Variants in NAGPA observed in about 807,000 individuals in gnomAD.
NAGPA encodes the protein alpha-N-acetylglucosaminyl phosphodiesterase.
A neutral mutation model predicts 48.5 loss-of-function variants in NAGPA; 56 were observed. The ratio of observed to expected loss-of-function variants is 1.15; its 90% CI spans 0.93 to 1.44. The LOEUF is 1.44. Among genes scored for constraint, NAGPA ranks in the 40% most tolerant of loss-of-function variants. The pLI is 0.00. For missense variants in NAGPA, 888 were observed against 735.0 expected, an observed-to-expected ratio of 1.21 and a Z score of -2.41; for synonymous variants, 399 against 315.5, an observed-to-expected ratio of 1.26 and a Z score of -2.81.
At position 5,033,191 on chromosome 16, in the gene NAGPA, G is replaced by C. The variant is rs768886637; in HGVS notation, c.542+82C>G. 6.1e-6 allele frequency: 9 copies of C among 1,483,458 alleles called. No homozygotes were observed. Among genetic ancestry groups the C allele is most frequent in the Non-Finnish European group, 8.2e-6 (9 of 1,100,328 alleles). 91.9% of individuals were successfully genotyped at this position (1,483,458 alleles called of 1,614,324 possible). On this transcript the variant is annotated intron_variant, in intron 2 of 9. Transcript: ENST00000312251. The surrounding 1 kb of genome is among the most constrained non-coding windows in gnomAD (Gnocchi z 4.2). ...GGAAACAGGGGCTCAGCTTGGTTAA[G>C]TGACTTGAACACGGAGGCACGGCTA... is the stretch of plus-strand genomic sequence containing the variant.
At chr16:5,028,710 T>A in intron 5 of NAGPA, 170 bp downstream of exon 5, 7 of 973,364 alleles carry the variant, frequency 7.2e-6, no homozygotes, top group African/African-American at 1.6e-5. Context: ...CAACTGACCC[T>A]GCTCCTAGGC....
chr16:5,030,251 G>A (rs1003463351), intron 4 of NAGPA, 134 bp downstream of exon 4: 15 of 789,554 alleles, frequency 1.9e-5, no homozygotes, highest in Non-Finnish European at 3.0e-5. Flanking sequence ...AAGGTGAGGG[G>A]GCCCTGGGAG....
intron 7 of NAGPA, among the ~76,000 whole-genome samples, 188 bp downstream of exon 7, chr16:5,027,658 G>C (rs951123443): frequency 2.6e-5 from 4 of 152,270 alleles, no homozygotes; most frequent in South Asian, 2.1e-4. Context: ...TGTTTTAGCC[G>C]AGCCCTTTGT....
chr16:5,028,988 G>A lies in NAGPA; in HGVS notation c.812C>T (p.Ala271Val), dbSNP rs141149941. ...CACGTCCTGTTTCAGCAGGAACTCC[G>A]CCATTTCCCACAGGTTGATGCTGCG... is the stretch of plus-strand genomic sequence containing the variant. ...EQRGINLWEMAEFLLKQDVVN... is the reference protein window; with the variant it reads ...EQRGINLWEMVEFLLKQDVVN... Residue 271 changes from alanine (A) to valine (V), a missense_variant, in exon 5 of 10, where the codon GCG (alanine) becomes GTG (valine). Transcript: ENST00000312251. The A allele has an allele frequency of 2.9e-5, 47 of 1,613,478 alleles. No homozygotes were observed. The African/African-American group carries it at 3.9e-4, about 13-fold the overall frequency.
At chr16:5,030,011 C>G in intron 4 of NAGPA, 1 of 378,314 alleles carries the variant, frequency 2.6e-6, no homozygotes, top group Non-Finnish European at 5.0e-6. Flanking sequence ...AAAACACTCT[C>G]TTTACAGGGG....
intron 9 of NAGPA, 25 bp from the exon 10 acceptor site, chr16:5,025,710 G>A: frequency 6.4e-7 from 1 of 1,572,762 alleles, no homozygotes; most frequent in South Asian, 1.1e-5. Context: ...GAAGCCCCAA[G>A]TGGGGGACTG....
chr16:5,033,271 A>T lies in NAGPA; in HGVS notation c.542+2T>A. The T allele has an allele frequency of 6.3e-7, 1 of 1,590,914 alleles. No individual in the cohort carries two copies. The highest frequency in any genetic ancestry group is 1.1e-5 in the South Asian group (1 of 89,706). On this transcript the variant is annotated splice_donor_variant, in intron 2 of 9. Coordinates refer to ENST00000312251, the MANE Select transcript of NAGPA (RefSeq NM_016256.4). LOFTEE classifies it high-confidence loss of function. The surrounding 1 kb of genome is among the most constrained non-coding windows in gnomAD (Gnocchi z 4.2). ...ACAGCACGGGGCTCCCTGCCTCCTC[A>T]CCCGGTGACCAGGGTCCCGTCGCGG...
At chr16:5,029,499 A>G (rs1034503099) in intron 4 of NAGPA, 4 of 227,108 alleles carry the variant, frequency 1.8e-5, no homozygotes, top group African/African-American at 4.6e-5. Context: ...CCTAAACAAG[A>G]GGATTCTTTC....
At position 5,027,768 on chromosome 16, in the gene NAGPA, G is replaced by A. The variant is rs537013678; in HGVS notation, c.1174+78C>T. On this transcript the variant is annotated intron_variant, in intron 7 of 9. Transcript: ENST00000312251. The stretch of plus-strand genomic sequence containing the variant: ...AGCATTTCCCAGACCAGAAGGTGGA[G>A]ACAGAAGCAGCAGAGGAGCAGTGGG... The A allele has an allele frequency of 1.9e-5, 29 of 1,536,358 alleles. No homozygotes were observed. In the African/African-American group the frequency reaches 3.8e-4, roughly 20 times the overall value.
At position 5,028,900 on chromosome 16, in the gene NAGPA, G is replaced by T. The variant is rs148734092; in HGVS notation, c.900C>A (p.Ala300=). 6.2e-7 allele frequency: 1 copy of T among 1,613,930 alleles called. No individual in the cohort carries two copies. Among genetic ancestry groups the T allele is most frequent in the Non-Finnish European group, 8.5e-7 (1 of 1,180,050 alleles). The change falls in exon 5 of 10, where the codon GCC becomes GCA. Residue 300 remains alanine (A), a synonymous_variant. Coordinates refer to ENST00000312251, the MANE Select transcript of NAGPA (RefSeq NM_016256.4). ...CTTACCAGTGATCTGACGGGTAACT[G>T]GCCAAGGTCCCGTTGAGCACAAAGG... ...SATFVLNGTL[A]SYPSDHCQDN...
chr16:5,032,224 C>G (rs749779462), intron 2 of NAGPA, among the ~76,000 whole-genome samples: 15 of 152,296 alleles, frequency 9.8e-5, no homozygotes, highest in South Asian at 2.1e-4. Flanking sequence ...ATCCCTGTTA[C>G]GGCCCTTCAT....
At chr16:5,026,309 G>T (rs984324976) in intron 9 of NAGPA, among the ~76,000 whole-genome samples, 7 of 149,602 alleles carry the variant, frequency 4.7e-5, no homozygotes, top group Non-Finnish European at 8.9e-5. Context: ...ACTTTGTGAG[G>T]CTTAGGCGGG....
rs1232520339 is a variant in NAGPA at position 5,033,736 on chromosome 16, G to T, written c.87-8C>A. ...TCGTCGTCGCGGGAGGCCCTGCGGG[G>T]ACGGGCGGCCGTGAGCTCAGGGGGC... On this transcript the variant is annotated splice_polypyrimidine_tract_variant and splice_region_variant and intron_variant, in intron 1 of 9. Transcript: ENST00000312251. The surrounding 1 kb of genome is among the most constrained non-coding windows in gnomAD (Gnocchi z 4.2). 5 of 1,601,538 alleles carry T rather than the reference G, an allele frequency of 3.1e-6. No individual in the cohort carries two copies. Among genetic ancestry groups the T allele is most frequent in the Non-Finnish European group, 4.3e-6 (5 of 1,176,086 alleles).
chr16:5,031,451 CTCTTCACTTT>C, intron 3 of NAGPA: 1 of 391,102 alleles, frequency 2.6e-6, no homozygotes, highest in Non-Finnish European at 4.8e-6. Flanking sequence ...AGATTTTTTT[CTCTTCACTTT>C]TCTCTTCCTG....
chr16:5,033,843 G>C lies in NAGPA; in HGVS notation c.72C>G (p.Gly24=). The C allele has an allele frequency of 6.5e-7, 1 of 1,550,250 alleles. No homozygotes were observed. The highest frequency in any genetic ancestry group is 1.2e-5 in the South Asian group (1 of 84,152). The part of the protein sequence containing the change: ...ALFGFLWEAS[G]GLDSGASRDD... ...GCTGCACTCACCCCGAGTCGAGGCCGCCGGACGCTTCCCAGAGGAAGCCGA... is the reference window on the plus strand; with the variant it reads ...GCTGCACTCACCCCGAGTCGAGGCCCCCGGACGCTTCCCAGAGGAAGCCGA... Residue 24 remains glycine (G), a synonymous_variant, in exon 1 of 10, where the codon GGC becomes GGG. Coordinates refer to ENST00000312251, the MANE Select transcript of NAGPA (RefSeq NM_016256.4). The surrounding 1 kb of genome is among the most constrained non-coding windows in gnomAD (Gnocchi z 4.2).
chr16:5,025,372 A>T lies in NAGPA; in HGVS notation c.*106T>A. Reference sequence around the variant, plus strand: ...GAACTTGGCTGCCCCACAGGGGCTGAGGACACCCAGATGGTCCACGCCAGT... The same window carrying T: ...GAACTTGGCTGCCCCACAGGGGCTGTGGACACCCAGATGGTCCACGCCAGT... On this transcript the variant is annotated 3_prime_UTR_variant, in exon 10 of 10. Coordinates refer to ENST00000312251, the MANE Select transcript of NAGPA (RefSeq NM_016256.4). The T allele has an allele frequency of 7.3e-7, 1 of 1,377,048 alleles. No individual in the cohort carries two copies. The highest frequency in any genetic ancestry group is 1.0e-6 in the Non-Finnish European group (1 of 993,878). The allele number at this position is 1,377,048 out of a possible 1,614,324, so 85.3% of individuals were successfully genotyped here.
At chr16:5,026,529 G>A (rs972656996) in intron 9 of NAGPA, among the ~76,000 whole-genome samples, 2 of 151,436 alleles carry the variant, frequency 1.3e-5, no homozygotes, top group Non-Finnish European at 2.9e-5. Context: ...GTGAGACCCC[G>A]TCTCAAAAAA....
intron 9 of NAGPA, among the ~76,000 whole-genome samples, chr16:5,026,763 T>C (rs1042639571): frequency 6.6e-6 from 1 of 152,014 alleles, no homozygotes; most frequent in African/African-American, 2.4e-5. Flanking sequence ...TAGCCGGGCA[T>C]GGGGGCACGT....
In NAGPA at chr16:5,030,523, G is replaced by A. The variant is rs45573233; in HGVS notation, c.683-30C>T. 7,570 of 1,525,050 alleles carry A rather than the reference G, an allele frequency of 5.0e-3. 23 individuals are homozygous for A. The highest frequency in any genetic ancestry group is 6.3e-3 in the Non-Finnish European group (7,104 of 1,122,948). 94.5% of individuals were successfully genotyped at this position (1,525,050 alleles called of 1,614,324 possible). A position where few individuals can be genotyped will look rare whatever the true frequency, so the allele number is the denominator to read the frequency against. ...AGGAAAAGCAGCCTGGCTGATCACC[G>A]CCCCTTGGGAGGCCTCCTGCTTCTT... On this transcript the variant is annotated intron_variant, in intron 3 of 9. Coordinates refer to ENST00000312251, the MANE Select transcript of NAGPA (RefSeq NM_016256.4).
Sources: allele counts gnomAD v4.1 joint callset (sites outside exome capture counted in the v4.1 genomes callset), GRCh38; gene constraint gnomAD v4.1.1; non-coding constraint Gnocchi (gnomAD v3.1); transcripts MANE v1.5; gene names NCBI Gene and HGNC (gene_info 2026-07-23, HGNC 2026-07-21).